ZNF804B: variants seen among roughly 807,000 people sequenced by gnomAD.
ZNF804B encodes the protein zinc finger 804B.
A neutral mutation model predicts 101.4 loss-of-function variants in ZNF804B; 80 were observed. The observed-to-expected ratio is 0.79, with a 90% confidence interval of 0.66 to 0.95. The LOEUF is 0.95. Among genes scored for constraint, ZNF804B ranks in the 40% least tolerant of loss-of-function variants. The pLI, the probability that ZNF804B is intolerant of heterozygous loss-of-function variation, is 0.00. For synonymous variants in ZNF804B, 622 were observed against 558.8 expected (o/e 1.11, Z -1.59); for missense variants, 1,673 against 1,561.9 (o/e 1.07, Z -1.20).
chr7:88,878,861 C>T (rs780148995), intron 1 of ZNF804B, among the ~76,000 whole-genome samples: 1 of 152,138 alleles, frequency 6.6e-6, no homozygotes, highest in Non-Finnish European at 1.5e-5. Flanking sequence ...TTGTTGTCTA[C>T]ACCATCTTCT....
chr7:88,858,302 A>T (rs1791601133), intron 1 of ZNF804B, among the ~76,000 whole-genome samples: 3 of 152,186 alleles, frequency 2.0e-5, no homozygotes, highest in Non-Finnish European at 2.9e-5. Flanking sequence ...AGCCTCTTGT[A>T]GCAATTAGTT....
At chr7:88,852,150 G>C (rs1791457697) in intron 1 of ZNF804B, among the ~76,000 whole-genome samples, 1 of 152,068 alleles carries the variant, frequency 6.6e-6, no homozygotes, top group Non-Finnish European at 1.5e-5. Flanking sequence ...TCAGCATCTG[G>C]TTGTACTTGC....
intron 1 of ZNF804B, among the ~76,000 whole-genome samples, chr7:88,895,002 C>T (rs892827384): frequency 6.6e-6 from 1 of 152,132 alleles, no homozygotes; most frequent in African/African-American, 2.4e-5. Flanking sequence ...TTTAAGAAGT[C>T]AGGGTATACC....
chr7:88,805,588 T>C (rs776624094), intron 1 of ZNF804B, among the ~76,000 whole-genome samples: 2 of 152,168 alleles, frequency 1.3e-5, no homozygotes, highest in Non-Finnish European at 2.9e-5. Flanking sequence ...TTAATATATG[T>C]GAACATAAGG....
intron 2 of ZNF804B, among the ~76,000 whole-genome samples, chr7:89,226,129 C>T (rs562451244): frequency 6.6e-6 from 1 of 151,920 alleles, no homozygotes; most frequent in Non-Finnish European, 1.5e-5. Flanking sequence ...AGAATCATAC[C>T]ACCCGGTGTT....
In ZNF804B at chr7:89,125,031, G is replaced by GTT. The variant is rs527257099; in HGVS notation, c.109-93110_109-93109dup. On this transcript the variant is annotated intron_variant, in intron 1 of 3. Transcript: ENST00000333190. Reference sequence around the variant, plus strand: ...GAAAAGGACTTTGGAGACAATTGTTGTTTTTTTTTTTTTTTAGTTTTATCA... The same window carrying GTT: ...GAAAAGGACTTTGGAGACAATTGTTGTTTTTTTTTTTTTTTTTAGTTTTATCA... Among the ~76,000 whole-genome samples, 36 of 131,618 alleles carry GTT rather than the reference G, an allele frequency of 2.7e-4. No homozygotes were observed. In the East Asian group the frequency reaches 3.5e-3, roughly 13 times the overall value. 86.3% of individuals were successfully genotyped at this position (131,618 alleles called of 152,430 possible). A position where few individuals can be genotyped will look rare whatever the true frequency, so the allele number is the denominator to read the frequency against.
chr7:89,277,890 G>T (rs1430781333), intron 2 of ZNF804B, among the ~76,000 whole-genome samples: 3 of 152,044 alleles, frequency 2.0e-5, no homozygotes, highest in African/African-American at 7.2e-5. Flanking sequence ...GGGTCAAATG[G>T]TATTTCTAGT....
intron 1 of ZNF804B, among the ~76,000 whole-genome samples, chr7:89,166,179 T>C (rs1390586778): frequency 6.6e-6 from 1 of 152,156 alleles, no homozygotes; most frequent in African/African-American, 2.4e-5. Context: ...TTTTTATGCA[T>C]TGGGATTCCA....
intron 2 of ZNF804B, among the ~76,000 whole-genome samples, chr7:89,314,562 A>G (rs1171859218): frequency 6.6e-6 from 1 of 152,200 alleles, no homozygotes; most frequent in Non-Finnish European, 1.5e-5. Context: ...TAATTCATAC[A>G]TACTGAGCAT....
intron 1 of ZNF804B, among the ~76,000 whole-genome samples, chr7:89,007,041 C>T (rs898988614): frequency 2.6e-5 from 4 of 152,100 alleles, no homozygotes; most frequent in Non-Finnish European, 4.4e-5. Context: ...GCACTATATG[C>T]AGCAGCTGTC....
intron 2 of ZNF804B, among the ~76,000 whole-genome samples, chr7:89,277,735 A>T (rs557972880): frequency 4.7e-4 from 72 of 151,624 alleles, no homozygotes; most frequent in African/African-American, 1.6e-3. Flanking sequence ...ACATTTTCTT[A>T]ATCCCATCTA....
intron 2 of ZNF804B, among the ~76,000 whole-genome samples, chr7:89,283,256 A>T (rs1242338177): frequency 6.6e-6 from 1 of 152,208 alleles, no homozygotes; most frequent in Non-Finnish European, 1.5e-5. Context: ...GACACTACTG[A>T]AGGAAATATT....
intron 1 of ZNF804B, among the ~76,000 whole-genome samples, chr7:88,828,380 A>G (rs1023969856): frequency 6.6e-6 from 1 of 150,896 alleles, no homozygotes; most frequent in South Asian, 2.1e-4. Context: ...GATTCAGTGT[A>G]TTTTTTTTTC....
chr7:88,901,131 A>G (rs572414086), intron 1 of ZNF804B, among the ~76,000 whole-genome samples: 5 of 151,970 alleles, frequency 3.3e-5, no homozygotes, highest in Admixed American at 1.3e-4. Flanking sequence ...TTCAACAGAA[A>G]AAAAGTGTTG....
At chr7:89,318,708 C>G (rs1179019314) in intron 2 of ZNF804B, among the ~76,000 whole-genome samples, 1 of 152,070 alleles carries the variant, frequency 6.6e-6, no homozygotes, top group African/African-American at 2.4e-5. Context: ...GTTGCAGTGA[C>G]CTGAGATGGT....
chr7:88,874,809 C>G lies in ZNF804B; in HGVS notation c.108+114725C>G, dbSNP rs1791899947. 2.6e-5 allele frequency among the ~76,000 whole-genome samples: 4 copies of G among 151,482 alleles called. No homozygotes were observed. In the South Asian group the frequency reaches 8.4e-4, roughly 32 times the overall value. ...GAACTCAGCTCTGCACCAAGCGGAC[C>G]TAATAGACATCTACAGAACTCCCCA... On this transcript the variant is annotated intron_variant, in intron 1 of 3. Transcript: ENST00000333190.
chr7:89,166,696 ATT>A (rs750211943), intron 1 of ZNF804B, among the ~76,000 whole-genome samples: 1 of 152,186 alleles, frequency 6.6e-6, no homozygotes, highest in African/African-American at 2.4e-5. Flanking sequence ...GGTTTATGGT[ATT>A]GCACTAAACA....
At chr7:89,328,508 A>G (rs769788285) in intron 3 of ZNF804B, among the ~76,000 whole-genome samples, 1 of 151,866 alleles carries the variant, frequency 6.6e-6, no homozygotes, top group Admixed American at 6.6e-5. Flanking sequence ...CTGGGGTCTT[A>G]TACAACTCTA....
At chr7:88,815,379 C>G (rs1790860188) in intron 1 of ZNF804B, among the ~76,000 whole-genome samples, 1 of 140,462 alleles carries the variant, frequency 7.1e-6, no homozygotes, top group Non-Finnish European at 1.5e-5. Flanking sequence ...TTTTTCAAGT[C>G]AAGTTTTTTC....
Sources: allele counts gnomAD v4.1 joint callset (sites outside exome capture counted in the v4.1 genomes callset), GRCh38; gene constraint gnomAD v4.1.1; transcripts MANE v1.5; gene names NCBI Gene and HGNC (gene_info 2026-07-23, HGNC 2026-07-21).